INTS3: variants seen among roughly 807,000 people sequenced by gnomAD.
INTS3 encodes the protein integrator complex subunit 3, also known as SOSS complex subunit A.
A neutral mutation model predicts 146.3 loss-of-function variants in INTS3; 34 were observed. The ratio of observed to expected loss-of-function variants is 0.23; its 90% confidence interval spans 0.18 to 0.31. The LOEUF is 0.31. INTS3 is among the 10% of genes least tolerant of loss of function. INTS3 has a pLI of 1.00. For synonymous variants in INTS3, 475 were observed against 494.9 expected (o/e 0.96, Z 0.53); for missense variants, 757 against 1,304.2 (o/e 0.58, Z 6.46).
Position 153,770,665 on chromosome 1 carries a change from C to A in INTS3, c.2504-20C>A. 6.2e-7 allele frequency: 1 copy of A among 1,609,784 alleles called. No individual in the cohort carries two copies. The highest frequency in any genetic ancestry group is 8.5e-7 in the Non-Finnish European group (1 of 1,176,196). ...GGAATCATACCTTCCCCCTGAACAG[C>A]CTCTGCCCTTCCCTCACAGAGCACC... On this transcript the variant is annotated intron_variant, in intron 24 of 29. Transcript: ENST00000318967.
intron 10 of INTS3, among the ~76,000 whole-genome samples, chr1:153,758,982 G>T (rs773375513): frequency 6.6e-6 from 1 of 152,024 alleles, no homozygotes; most frequent in Non-Finnish European, 1.5e-5. Flanking sequence ...CACGCATGGT[G>T]GTGTGCTCCT....
intron 1 of INTS3, among the ~76,000 whole-genome samples, chr1:153,730,202 C>T (rs1187670237): frequency 2.0e-5 from 3 of 152,158 alleles, no homozygotes; most frequent in Non-Finnish European, 2.9e-5. Context: ...TCTGCCTTCC[C>T]GTCATGCTTT....
At chr1:153,745,796 C>CA (rs1293701431) in intron 3 of INTS3, among the ~76,000 whole-genome samples, 2 of 152,068 alleles carry the variant, frequency 1.3e-5, no homozygotes, top group African/African-American at 4.8e-5. Context: ...AAGGGCATCA[C>CA]AGAGAAAAGA....
rs771721712 is a variant in INTS3, at chr1:153,770,136, T to C, written c.2390-62T>C. 6.3e-5 allele frequency: 16 copies of C among 252,042 alleles called. 1 individual carries two copies. The highest frequency in any genetic ancestry group is 9.3e-5 in the Non-Finnish European group (14 of 150,918). 15.6% of individuals were successfully genotyped at this position (252,042 alleles called of 1,614,324 possible). On this transcript the variant is annotated intron_variant, in intron 23 of 29. Transcript: ENST00000318967. Reference sequence around the variant, plus strand: ...TCAGTGGATGGGGGGGTGGGGGGGGTGTGTGTGTGTGTGTGTTCGTTTGTT... The same window carrying C: ...TCAGTGGATGGGGGGGTGGGGGGGGCGTGTGTGTGTGTGTGTTCGTTTGTT...
At position 153,773,254 on chromosome 1, in the gene INTS3, G is replaced by T; in HGVS notation, c.3113G>T (p.Gly1038Val). Reference protein sequence around the residue: ...KRKRKGSSAVGSDSD With the variant: ...KRKRKGSSAVVSDSD ...AAACGAAAAGGGTCCTCTGCAGTGGGCTCTGACAGTGACTGAGGCCCTGCA... is the reference window on the plus strand; with the variant it reads ...AAACGAAAAGGGTCCTCTGCAGTGGTCTCTGACAGTGACTGAGGCCCTGCA... The change falls in exon 30 of 30, where the codon GGC (glycine) becomes GTC (valine). Residue 1038 changes from glycine (G) to valine (V), a missense_variant. Gly to Val is a moderately radical substitution (Grantham distance 109, BLOSUM62 -3). Coordinates refer to ENST00000318967, the MANE Select transcript of INTS3 (RefSeq NM_023015.5). 1.2e-6 allele frequency: 2 copies of T among 1,613,912 alleles called. No individual in the cohort carries two copies. The highest frequency in any genetic ancestry group is 1.7e-6 in the Non-Finnish European group (2 of 1,179,910).
At chr1:153,764,916 T>G (rs1441506569) in intron 19 of INTS3, 28 bp from the exon 20 acceptor site, 19 of 1,613,950 alleles carry the variant, frequency 1.2e-5, no homozygotes, top group Non-Finnish European at 1.6e-5. Flanking sequence ...TAAAGTTCTG[T>G]TCCTCTCCTC....
chr1:153,749,268 T>C (rs1293708191), intron 6 of INTS3, among the ~76,000 whole-genome samples: 1 of 152,014 alleles, frequency 6.6e-6, no homozygotes, highest in East Asian at 1.9e-4. Context: ...CATCAGGGGG[T>C]ACATATTGGG....
At chr1:153,735,818 G>A (rs1288976803) in intron 1 of INTS3, among the ~76,000 whole-genome samples, 1 of 152,092 alleles carries the variant, frequency 6.6e-6, no homozygotes, top group Non-Finnish European at 1.5e-5. Context: ...CAGCTCTTGG[G>A]CTCAAGTGAT....
At chr1:153,746,800 G>A in intron 3 of INTS3, 157 bp from the exon 4 acceptor site, 1 of 592,584 alleles carries the variant, frequency 1.7e-6, no homozygotes, top group South Asian at 2.1e-5. Flanking sequence ...GACCCCTGTG[G>A]AAAGAAAGTG....
chr1:153,748,373 C>T (rs1033959605), intron 5 of INTS3: 2 of 366,778 alleles, frequency 5.5e-6, no homozygotes, highest in Non-Finnish European at 1.0e-5. Flanking sequence ...TCCTTTCTTT[C>T]CAACTGTGGG....
chr1:153,770,785 C>G, intron 25 of INTS3, 52 bp downstream of exon 25: 4 of 1,411,520 alleles, frequency 2.8e-6, no homozygotes, highest in Non-Finnish European at 4.0e-6. Flanking sequence ...ATCCCAAGAG[C>G]TGCTGTGGTC....
intron 20 of INTS3, 199 bp from the exon 21 acceptor site, chr1:153,767,475 G>A (rs1456629017): frequency 6.3e-6 from 3 of 479,534 alleles, no homozygotes; most frequent in Non-Finnish European, 1.1e-5. Flanking sequence ...TCTGGGGAAG[G>A]ATGGACAGAA....
chr1:153,740,193 G>A (rs1357623211), intron 1 of INTS3, among the ~76,000 whole-genome samples: 4 of 151,968 alleles, frequency 2.6e-5, no homozygotes, highest in South Asian at 2.1e-4. Flanking sequence ...TCTGCCTCCC[G>A]GGTTCCAGAG....
At chr1:153,750,185 CTAAT>C (rs1055144250) in intron 6 of INTS3, among the ~76,000 whole-genome samples, 2 of 152,210 alleles carry the variant, frequency 1.3e-5, no homozygotes, top group Non-Finnish European at 2.9e-5. Context: ...CCTGCTTGGA[CTAAT>C]TAAACACCAT....
At position 153,773,673 on chromosome 1, in the gene INTS3, A is replaced by G. The variant is rs898687332; in HGVS notation, c.*403A>G. 7.1e-5 allele frequency: 19 copies of G among 266,036 alleles called. No individual in the cohort carries two copies. Among genetic ancestry groups the G allele is most frequent in the Non-Finnish European group, 7.0e-5 (9 of 128,284 alleles). 16.5% of individuals were successfully genotyped at this position (266,036 alleles called of 1,614,324 possible). ...GCCAGATAAGCTAGGATGAGAGCAG[A>G]GACTCAGTGTGTGGGTGTCCCTTCC... On this transcript the variant is annotated 3_prime_UTR_variant, in exon 30 of 30. Transcript: ENST00000318967.
rs1672387364 is a variant in INTS3 at position 153,761,623 on chromosome 1, T to C, written c.1463T>C (p.Met488Thr). Residue 488 changes from methionine to threonine, a missense_variant, in exon 14 of 30, where the codon ATG (methionine) becomes ACG (threonine). Transcript: ENST00000318967. ...AAGTTGGATAAGGAGCTGCGGGCAA[T>C]GCTGAGAGAGAAGTTTCCTGAGTTC... is the stretch of plus-strand genomic sequence containing the variant. ...NPKLDKELRA[M>T]LREKFPEFCS... The C allele has an allele frequency of 6.2e-7, 1 of 1,614,208 alleles. No homozygotes were observed. Among genetic ancestry groups the C allele is most frequent in the Non-Finnish European group, 8.5e-7 (1 of 1,180,032 alleles).
chr1:153,752,948 C>T (rs1487434287), intron 8 of INTS3, among the ~76,000 whole-genome samples: 1 of 152,028 alleles, frequency 6.6e-6, no homozygotes, highest in African/African-American at 2.4e-5. Context: ...TTCCCAGGGT[C>T]CTGCTATGTT....
chr1:153,751,338 G>T, intron 7 of INTS3, 99 bp downstream of exon 7: 1 of 1,190,930 alleles, frequency 8.4e-7, no homozygotes, highest in Non-Finnish European at 1.2e-6. Context: ...TGTTAGAGAT[G>T]AAGGTGCATC....
intron 23 of INTS3, 78 bp from the exon 24 acceptor site, chr1:153,770,119 TG>T (rs1672774884): frequency 7.4e-5 from 26 of 350,734 alleles, no homozygotes; most frequent in East Asian, 3.4e-4. Flanking sequence ...AGTCAGTGGA[TG>T]GGGGGGTGGG....
Sources: gnomAD v4.1 joint callset for allele counts (sites outside exome capture counted in the v4.1 genomes callset) on GRCh38, gnomAD v4.1.1 for gene constraint, MANE v1.5 for transcripts, NCBI Gene and HGNC (gene_info 2026-07-23, HGNC 2026-07-21) for gene names.